The following MTNR1A variants were observed in gnomAD, a reference collection of about 807,000 sequenced individuals.
MTNR1A encodes melatonin receptor type 1A.
MTNR1A carries 7 observed loss-of-function variants against 5.5 expected under a neutral mutation model. That is an observed-to-expected ratio of 1.28 (90% confidence interval 0.73 to 2.40). The LOEUF (loss-of-function observed/expected upper bound fraction) is 2.40, where lower values mean the gene tolerates loss of function less well. Ranked by LOEUF, MTNR1A falls within the 30% of genes most tolerant of loss-of-function variation. MTNR1A has a pLI of 0.00. For synonymous variants in MTNR1A, 196 were observed against 202.7 expected (o/e 0.97, Z 0.28); for missense variants, 441 against 464.4 (o/e 0.95, Z 0.46).
At chr4:186,537,407 CAT>C (rs2111369198) in intron 1 of MTNR1A, among the ~76,000 whole-genome samples, 1 of 152,298 alleles carries the variant, frequency 6.6e-6, no homozygotes, top group Non-Finnish European at 1.5e-5. Context: ...TAACTCCAGA[CAT>C]ATGGACAATC....
chr4:186,537,260 G>A, intron 1 of MTNR1A, among the ~76,000 whole-genome samples: 1 of 152,144 alleles, frequency 6.6e-6, no homozygotes, highest in East Asian at 1.9e-4. Flanking sequence ...TGCCTGGGGG[G>A]TGTGTGGTGT....
In MTNR1A at chr4:186,534,232, G is replaced by C. The variant is rs773150171; in HGVS notation, c.510C>G (p.Tyr170Ter). 1.8e-4 allele frequency: 298 copies of C among 1,614,012 alleles called. No homozygotes were observed. Among genetic ancestry groups the C allele is most frequent in the Non-Finnish European group, 2.4e-4 (282 of 1,180,032 alleles). Reference protein sequence around the residue: ...LPNLRAGTLQYDPRIYSCTFA... With the variant: ...LPNLRAGTLQ The stretch of plus-strand genomic sequence containing the variant: ...AGGTGCACGAGTAGATCCTCGGGTC[G>C]TACTGGAGAGTCCCTGCACGGAGGT... The change falls in exon 2 of 2, where the codon TAC becomes TAG. Residue 170 changes from tyrosine to a stop codon, truncating the protein, a stop_gained. Transcript: ENST00000307161. LOFTEE classifies it low-confidence loss of function (END_TRUNC).
chr4:186,536,073 C>T (rs973437731), intron 1 of MTNR1A, among the ~76,000 whole-genome samples: 10 of 152,232 alleles, frequency 6.6e-5, no homozygotes, highest in South Asian at 2.1e-4. Context: ...TGGTTGGGCG[C>T]AGTGGCTCAC....
At chr4:186,540,605 G>A (rs542448209) in intron 1 of MTNR1A, among the ~76,000 whole-genome samples, 1 of 152,272 alleles carries the variant, frequency 6.6e-6, no homozygotes, top group Non-Finnish European at 1.5e-5. Flanking sequence ...TGATCTGAAA[G>A]CTGTCTGAAG....
At position 186,555,087 on chromosome 4, in the gene MTNR1A, T is replaced by C; in HGVS notation, c.184+95A>G. ...AAAATAACTCCAAGTCCGCAGTGTT[T>C]AGGAAAAAGAACCAAGTGCTTGGGG... is the stretch of plus-strand genomic sequence containing the variant. On this transcript the variant is annotated intron_variant, in intron 1 of 1. Coordinates refer to ENST00000307161, the MANE Select transcript of MTNR1A (RefSeq NM_005958.4). This position sits in a 1 kb window ranked among gnomAD's most constrained non-coding sequence, Gnocchi z 4.1. 7.6e-7 allele frequency: 1 copy of C among 1,323,038 alleles called. No individual in the cohort carries two copies. The highest frequency in any genetic ancestry group is 1.1e-6 in the Non-Finnish European group (1 of 942,836). 82.0% of individuals were successfully genotyped at this position (1,323,038 alleles called of 1,614,324 possible). A position where few individuals can be genotyped will look rare whatever the true frequency, so the allele number is the denominator to read the frequency against.
In MTNR1A at chr4:186,534,516, C is replaced by G. The variant is rs1244253512; in HGVS notation, c.226G>C (p.Val76Leu). ...ACCAACGGGTACGGATAAATGGCCA[C>G]CACCAGGTCTGCCACCGCTAAGCTC... ...VVSLAVADLV[V>L]AIYPYPLVLM... is the part of the protein sequence containing the mutation. Residue 76 changes from valine to leucine, a missense_variant, in exon 2 of 2, where the codon GTG becomes CTG. By Grantham distance (32) the Val-to-Leu change is conservative. Transcript: ENST00000307161. 6.2e-7 allele frequency: 1 copy of G among 1,613,778 alleles called. No homozygotes were observed. The highest frequency in any genetic ancestry group is 8.5e-7 in the Non-Finnish European group (1 of 1,180,018).
chr4:186,541,206 T>A (rs552940264), intron 1 of MTNR1A, among the ~76,000 whole-genome samples: 2 of 152,142 alleles, frequency 1.3e-5, no homozygotes, highest in Non-Finnish European at 2.9e-5. Flanking sequence ...AATTGGATGG[T>A]TGCAGCACTA....
In MTNR1A at chr4:186,534,227, G is replaced by A. The variant is rs759645807; in HGVS notation, c.515C>T (p.Pro172Leu). 2.4e-5 allele frequency: 38 copies of A among 1,613,964 alleles called. 1 individual carries two copies. The highest frequency in any genetic ancestry group is 2.6e-5 in the Non-Finnish European group (31 of 1,179,992). Residue 172 changes from proline (P) to leucine (L), a missense_variant, in exon 2 of 2, where the codon CCG becomes CTG. Coordinates refer to ENST00000307161, the MANE Select transcript of MTNR1A (RefSeq NM_005958.4). ...NLRAGTLQYD[P>L]RIYSCTFAQS... is the part of the protein sequence containing the mutation. Reference sequence around the variant, plus strand: ...GGCGAAGGTGCACGAGTAGATCCTCGGGTCGTACTGGAGAGTCCCTGCACG... The same window carrying A: ...GGCGAAGGTGCACGAGTAGATCCTCAGGTCGTACTGGAGAGTCCCTGCACG...
Position 186,555,374 on chromosome 4 carries a change from T to G in MTNR1A, c.-9A>C. On this transcript the variant is annotated 5_prime_UTR_variant, in exon 1 of 2. Transcript: ENST00000307161. The surrounding 1 kb of genome is among the most constrained non-coding windows in gnomAD (Gnocchi z 4.1). Reference sequence around the variant, plus strand: ...CTGCCGTTGCCCTGCATGGTCCCTGTGCGCGTCCCGGCCGCGGGGCCATCG... The same window carrying G: ...CTGCCGTTGCCCTGCATGGTCCCTGGGCGCGTCCCGGCCGCGGGGCCATCG... The G allele has an allele frequency of 1.4e-6, 2 of 1,437,606 alleles. No individual in the cohort carries two copies. The highest frequency in any genetic ancestry group is 1.8e-6 in the Non-Finnish European group (2 of 1,093,376). 89.1% of individuals were successfully genotyped at this position (1,437,606 alleles called of 1,614,324 possible).
At chr4:186,547,404 G>T in intron 1 of MTNR1A, among the ~76,000 whole-genome samples, 1 of 142,694 alleles carries the variant, frequency 7.0e-6, no homozygotes, top group African/African-American at 2.7e-5. Context: ...GGGACACACT[G>T]TCCTCACACC....
intron 1 of MTNR1A, among the ~76,000 whole-genome samples, chr4:186,535,221 C>A (rs1266361078): frequency 2.0e-5 from 3 of 152,154 alleles, no homozygotes. Flanking sequence ...GCGCCATGTA[C>A]CGTGTCTTAC....
intron 1 of MTNR1A, among the ~76,000 whole-genome samples, chr4:186,551,144 T>C (rs568862896): frequency 5.9e-5 from 9 of 152,312 alleles, no homozygotes; most frequent in African/African-American, 2.2e-4. Flanking sequence ...AGTTACGTCG[T>C]AGGTTTTTGA....
intron 1 of MTNR1A, among the ~76,000 whole-genome samples, chr4:186,546,071 C>T (rs1225594498): frequency 1.3e-5 from 2 of 152,230 alleles, no homozygotes; most frequent in Non-Finnish European, 2.9e-5. Context: ...AGGTAAGTCA[C>T]AGCTTCCCAC....
At chr4:186,538,430 C>T (rs551461807) in intron 1 of MTNR1A, among the ~76,000 whole-genome samples, 7 of 152,336 alleles carry the variant, frequency 4.6e-5, no homozygotes, top group East Asian at 3.9e-4. Context: ...AAGTGCCAGA[C>T]GCCACCACAA....
At chr4:186,537,911 G>A (rs895437549) in intron 1 of MTNR1A, among the ~76,000 whole-genome samples, 1 of 152,212 alleles carries the variant, frequency 6.6e-6, no homozygotes, top group Admixed American at 6.5e-5. Flanking sequence ...GCAACAAGAC[G>A]AACAGCGATC....
intron 1 of MTNR1A, among the ~76,000 whole-genome samples, chr4:186,551,573 G>T (rs1015567108): frequency 3.3e-5 from 5 of 152,092 alleles, no homozygotes; most frequent in African/African-American, 1.2e-4. Flanking sequence ...ATGGATGGAC[G>T]GACGATGGGT....
chr4:186,536,149 C>A (rs1482105337), intron 1 of MTNR1A, among the ~76,000 whole-genome samples: 1 of 151,868 alleles, frequency 6.6e-6, no homozygotes, highest in Non-Finnish European at 1.5e-5. Context: ...AGTTCAGGAC[C>A]AGCCTGGCCA....
Position 186,533,824 on chromosome 4 carries a change from G to A in MTNR1A, c.918C>T (p.Tyr306=), listed in dbSNP as rs1482281634. 2 of 1,614,156 alleles carry A rather than the reference G, an allele frequency of 1.2e-6. No individual in the cohort carries two copies. Among genetic ancestry groups the A allele is most frequent in the South Asian group, 2.2e-5 (2 of 91,080 alleles). ...GLLNQNFRKE[Y]RRIIVSLCTA... ...TACAGAGCGAGACTATAATTCTCCT[G>A]TATTCCTTCCTGAAATTTTGGTTCA... The change falls in exon 2 of 2, where the codon TAC becomes TAT. Residue 306 remains tyrosine (Y), a synonymous_variant. Coordinates refer to ENST00000307161, the MANE Select transcript of MTNR1A (RefSeq NM_005958.4).
rs541660089 is a variant in MTNR1A, at chr4:186,534,496, C to T, written c.246G>A (p.Pro82=). The T allele has an allele frequency of 6.6e-5, 107 of 1,614,040 alleles. No homozygotes were observed. Among genetic ancestry groups the T allele is most frequent in the South Asian group, 5.4e-4 (49 of 91,072 alleles). ...TGTTAAATATCGACATCAGCACCAA[C>T]GGGTACGGATAAATGGCCACCACCA... ...ADLVVAIYPY[P]LVLMSIFNNG... is the part of the protein sequence containing the mutation. Residue 82 remains proline, a synonymous_variant, in exon 2 of 2, where the codon CCG becomes CCA. Coordinates refer to ENST00000307161, the MANE Select transcript of MTNR1A (RefSeq NM_005958.4).
Sources: gnomAD v4.1 joint callset for allele counts (sites outside exome capture counted in the v4.1 genomes callset) on GRCh38, gnomAD v4.1.1 for gene constraint, Gnocchi (gnomAD v3.1) non-coding constraint, MANE v1.5 for transcripts, NCBI Gene and HGNC (gene_info 2026-07-23, HGNC 2026-07-21) for gene names.